The following CYRIA variants were observed in gnomAD, a reference collection of about 807,000 sequenced individuals.
CYRIA encodes the protein CYFIP related Rac1 interactor A, also known as CYFIP-related Rac1 interactor A.
A neutral mutation model predicts 43.9 loss-of-function variants in CYRIA; 15 were observed. The observed-to-expected ratio is 0.34, with a 90% CI of 0.23 to 0.53. CYRIA has a LOEUF of 0.53. CYRIA is among the 20% of genes least tolerant of loss of function. The pLI, the probability that CYRIA is intolerant of heterozygous loss-of-function variation, is 0.94. For synonymous variants in CYRIA, 117 were observed against 136.0 expected, an observed-to-expected ratio of 0.86 and a Z score of 0.97; for missense variants, 236 against 394.2, an observed-to-expected ratio of 0.60 and a Z score of 3.40.
At chr2:16,644,648 G>A (rs916391185) in intron 1 of CYRIA, among the ~76,000 whole-genome samples, 7 of 152,142 alleles carry the variant, frequency 4.6e-5, no homozygotes, top group African/African-American at 1.4e-4. Context: ...TGGGGCTTCC[G>A]GGCTCTGATT....
At chr2:16,648,192 G>T (rs1669871921) in intron 1 of CYRIA, among the ~76,000 whole-genome samples, 1 of 152,142 alleles carries the variant, frequency 6.6e-6, no homozygotes, top group South Asian at 2.1e-4. Flanking sequence ...TCAGCCAGGG[G>T]GGTGGAGTCT....
At chr2:16,629,037 T>C (rs759278370) in intron 1 of CYRIA, among the ~76,000 whole-genome samples, 5 of 152,180 alleles carry the variant, frequency 3.3e-5, no homozygotes, top group Admixed American at 6.5e-5. Context: ...ATAAGCAGCC[T>C]GTCCCTCAAG....
chr2:16,664,348 G>A lies in CYRIA; in HGVS notation c.-167+1432C>T, dbSNP rs112913268. ...CATGTTTATGACTGTTTATTTCAGA[G>A]CAAGTAGAAAGGAGAAATTAGAGCC... is the stretch of plus-strand genomic sequence containing the variant. On this transcript the variant is annotated intron_variant, in intron 1 of 11. Transcript: ENST00000381323. Among the ~76,000 whole-genome samples, 775 of 152,248 alleles carry A rather than the reference G, an allele frequency of 5.1e-3. 3 individuals carry two copies. The highest frequency in any genetic ancestry group is 0.017 in the African/African-American group (705 of 41,532).
intron 1 of CYRIA, among the ~76,000 whole-genome samples, chr2:16,632,640 G>T (rs923251864): frequency 6.6e-6 from 1 of 152,162 alleles, no homozygotes; most frequent in Non-Finnish European, 1.5e-5. Flanking sequence ...CACAAAGCAG[G>T]CACGGGGGAA....
At chr2:16,582,641 C>A (rs1384758153) in intron 3 of CYRIA, among the ~76,000 whole-genome samples, 1 of 152,158 alleles carries the variant, frequency 6.6e-6, no homozygotes, top group East Asian at 1.9e-4. Context: ...TAGCTTCTTT[C>A]ACTTAGCACA....
chr2:16,562,767 G>C (rs1260882906), intron 5 of CYRIA, among the ~76,000 whole-genome samples: 1 of 152,106 alleles, frequency 6.6e-6, no homozygotes, highest in Non-Finnish European at 1.5e-5. Context: ...GGATTGGCAA[G>C]GTATGACCCA....
chr2:16,638,927 T>C (rs1219392184), intron 1 of CYRIA, among the ~76,000 whole-genome samples: 3 of 152,092 alleles, frequency 2.0e-5, no homozygotes, highest in Non-Finnish European at 4.4e-5. Flanking sequence ...ATCTCAAAAG[T>C]GTTATAAGAA....
At chr2:16,653,550 T>G (rs1490460749) in intron 1 of CYRIA, among the ~76,000 whole-genome samples, 1 of 152,198 alleles carries the variant, frequency 6.6e-6, no homozygotes. Flanking sequence ...TACATTTTAC[T>G]TGTTTATATG....
chr2:16,569,199 G>A lies in CYRIA; in HGVS notation c.71-3432C>T, dbSNP rs1444230114. ...GTACCACTTCTCTCCCAGAGGAGGC[G>A]GACTTCAGGGGCTGTGGTAAACAAA... On this transcript the variant is annotated intron_variant, in intron 3 of 11. Coordinates refer to ENST00000381323, the MANE Select transcript of CYRIA (RefSeq NM_030797.4). Among the ~76,000 whole-genome samples the A allele has an allele frequency of 5.3e-5, 8 of 152,236 alleles. No homozygotes were observed. The South Asian group carries it at 6.2e-4, about 12-fold the overall frequency.
chr2:16,638,171 G>A (rs1427020641), intron 1 of CYRIA, among the ~76,000 whole-genome samples: 2 of 152,162 alleles, frequency 1.3e-5, no homozygotes, highest in African/African-American at 2.4e-5. Flanking sequence ...GAAGGAGAAG[G>A]AATCTCACTG....
At chr2:16,648,591 A>G (rs1196988970) in intron 1 of CYRIA, among the ~76,000 whole-genome samples, 1 of 152,238 alleles carries the variant, frequency 6.6e-6, no homozygotes, top group East Asian at 1.9e-4. Context: ...AAACCTGTTT[A>G]TCTCTCTAGC....
At chr2:16,637,744 T>C (rs1222697184) in intron 1 of CYRIA, among the ~76,000 whole-genome samples, 2 of 152,282 alleles carry the variant, frequency 1.3e-5, no homozygotes, top group Non-Finnish European at 2.9e-5. Context: ...ATATGATTTA[T>C]GTACCTTTCA....
rs1666253051 is a variant in CYRIA, at chr2:16,550,299, A to G, written c.*2637T>C. ...ACACACACACACAAAAACCAAAAAC[A>G]AAGCCAAAAAAAAAAAAATCCCAAA... is the stretch of plus-strand genomic sequence containing the variant. On this transcript the variant is annotated 3_prime_UTR_variant, in exon 12 of 12. Coordinates refer to ENST00000381323, the MANE Select transcript of CYRIA (RefSeq NM_030797.4). The G allele has an allele frequency of 8.1e-6, 1 of 123,846 alleles. No homozygotes were observed. The highest frequency in any genetic ancestry group is 1.6e-5 in the Non-Finnish European group (1 of 62,546). 7.7% of individuals were successfully genotyped at this position (123,846 alleles called of 1,614,324 possible). A position where few individuals can be genotyped will look rare whatever the true frequency, so the allele number is the denominator to read the frequency against.
At chr2:16,557,639 C>A (rs532643236) in intron 10 of CYRIA, among the ~76,000 whole-genome samples, 1 of 152,160 alleles carries the variant, frequency 6.6e-6, no homozygotes, top group Non-Finnish European at 1.5e-5. Flanking sequence ...ACAAACCTTA[C>A]GTAGTGCTTT....
chr2:16,565,747 C>T lies in CYRIA; in HGVS notation c.91G>A (p.Glu31Lys). The change falls in exon 4 of 12, where the codon GAG becomes AAG. Residue 31 changes from glutamate (E) to lysine (K), a missense_variant. Glu to Lys is a moderately conservative substitution (Grantham distance 56, BLOSUM62 1). Transcript: ENST00000381323. ...CTGATCTGGTTCCAGATTTCTCTCT[C>T]TCCTTCTGTAGGCTGAGCATCTAAG... The part of the protein sequence containing the change: ...DFENAQPTEG[E>K]REIWNQISAV... The T allele has an allele frequency of 6.3e-7, 1 of 1,583,498 alleles. No homozygotes were observed. The highest frequency in any genetic ancestry group is 8.6e-7 in the Non-Finnish European group (1 of 1,156,770).
chr2:16,600,919 A>C (rs1558420725), intron 2 of CYRIA, among the ~76,000 whole-genome samples: 1 of 152,228 alleles, frequency 6.6e-6, no homozygotes, highest in Non-Finnish European at 1.5e-5. Flanking sequence ...CACATTTGAC[A>C]TTGAAACTCT....
intron 3 of CYRIA, among the ~76,000 whole-genome samples, chr2:16,570,586 G>A (rs1206766037): frequency 6.6e-6 from 1 of 152,198 alleles, no homozygotes; most frequent in Non-Finnish European, 1.5e-5. Flanking sequence ...TGTGTTTTCA[G>A]ATGTCGTGGA....
intron 1 of CYRIA, among the ~76,000 whole-genome samples, chr2:16,635,807 C>A (rs1276237314): frequency 6.6e-6 from 1 of 152,208 alleles, no homozygotes; most frequent in African/African-American, 2.4e-5. Context: ...TTTTCAAAGG[C>A]TCCTCTGGGG....
At chr2:16,655,159 G>A (rs1400340816) in intron 1 of CYRIA, among the ~76,000 whole-genome samples, 1 of 152,168 alleles carries the variant, frequency 6.6e-6, no homozygotes, top group Non-Finnish European at 1.5e-5. Flanking sequence ...CCCAAGTGAT[G>A]AAAGAGGAAA....
Sources: allele counts gnomAD v4.1 joint callset (sites outside exome capture counted in the v4.1 genomes callset), GRCh38; gene constraint gnomAD v4.1.1; transcripts MANE v1.5; gene names NCBI Gene and HGNC (gene_info 2026-07-23, HGNC 2026-07-21).